Variants in PPFIA2 observed in about 807,000 individuals in gnomAD.
PPFIA2 encodes the protein liprin-alpha-2.
Under a neutral mutation model 175.5 loss-of-function variants are expected in PPFIA2, and 46 were observed. The ratio of observed to expected loss-of-function variants is 0.26; its 90% CI spans 0.21 to 0.34. PPFIA2 has a LOEUF of 0.34. Among genes scored for constraint, PPFIA2 ranks in the 10% least tolerant of loss-of-function variants. PPFIA2 has a pLI of 1.00. For synonymous variants in PPFIA2, 568 were observed against 511.4 expected, an observed-to-expected ratio of 1.11 and a Z score of -1.49; for missense variants, 1,179 against 1,506.1, an observed-to-expected ratio of 0.78 and a Z score of 3.60.
intron 3 of PPFIA2, among the ~76,000 whole-genome samples, chr12:81,680,084 T>A: frequency 6.6e-6 from 1 of 152,118 alleles, no homozygotes; most frequent in Non-Finnish European, 1.5e-5. Context: ...TCAAATAGTA[T>A]AAACATTGAC....
intron 4 of PPFIA2, among the ~76,000 whole-genome samples, chr12:81,521,091 CA>C (rs2148050121): frequency 6.6e-6 from 1 of 151,078 alleles, no homozygotes. Flanking sequence ...CATGTTTTTA[CA>C]AAAGTGAGGT....
At chr12:81,737,210 A>G (rs2081704579) in intron 3 of PPFIA2, among the ~76,000 whole-genome samples, 1 of 151,970 alleles carries the variant, frequency 6.6e-6, no homozygotes, top group Non-Finnish European at 1.5e-5. Context: ...TAGTTGTGGA[A>G]AAAGGAGAGG....
rs376431746 is a variant in PPFIA2 at position 81,405,816 on chromosome 12, T to C, written c.733A>G (p.Met245Val). 1 of 1,578,064 alleles carries C rather than the reference T, an allele frequency of 6.3e-7. No individual in the cohort carries two copies. Among genetic ancestry groups the C allele is most frequent in the Non-Finnish European group, 8.6e-7 (1 of 1,159,748 alleles). Residue 245 changes from methionine to valine, a missense_variant, in exon 8 of 33, where the codon ATG becomes GTG. Transcript: ENST00000549396. ...GSTESEHLEG[M>V]EPGQKVHEKR... ...TCATGGACTTTCTGTCCAGGTTCCA[T>C]CCCTTCAAGATGTTCTGACTCTGTG... is the stretch of plus-strand genomic sequence containing the variant.
At chr12:81,436,478 T>C (rs1044890837) in intron 7 of PPFIA2, among the ~76,000 whole-genome samples, 1 of 151,956 alleles carries the variant, frequency 6.6e-6, no homozygotes, top group African/African-American at 2.4e-5. Context: ...AAAACTATCT[T>C]CTTCAGTTAT....
chr12:81,618,338 G>A (rs115456931), intron 4 of PPFIA2, among the ~76,000 whole-genome samples: 56 of 151,834 alleles, frequency 3.7e-4, no homozygotes, highest in African/African-American at 1.4e-3. Flanking sequence ...TTCCTAGTAT[G>A]TAGGAACAGT....
At chr12:81,672,887 T>G (rs998568208) in intron 4 of PPFIA2, among the ~76,000 whole-genome samples, 14 of 152,064 alleles carry the variant, frequency 9.2e-5, no homozygotes, top group African/African-American at 2.7e-4. Flanking sequence ...GTAGTCTCTT[T>G]ATTAGATTTT....
At chr12:81,287,572 C>T (rs1223202319) in intron 24 of PPFIA2, among the ~76,000 whole-genome samples, 3 of 151,786 alleles carry the variant, frequency 2.0e-5, no homozygotes, top group South Asian at 4.1e-4. Flanking sequence ...TGTAAAAAGC[C>T]GACAGAAATA....
At chr12:81,705,836 A>G (rs2077070270) in intron 3 of PPFIA2, among the ~76,000 whole-genome samples, 1 of 152,228 alleles carries the variant, frequency 6.6e-6, no homozygotes, top group Non-Finnish European at 1.5e-5. Context: ...TAGAAACTGT[A>G]GTTTATAGGA....
intron 3 of PPFIA2, among the ~76,000 whole-genome samples, chr12:81,720,149 C>T (rs960409922): frequency 1.3e-5 from 2 of 151,372 alleles, no homozygotes; most frequent in South Asian, 2.1e-4. Context: ...AGAAGCATGG[C>T]CTACATCTGC....
intron 4 of PPFIA2, among the ~76,000 whole-genome samples, chr12:81,471,513 A>C (rs1031378081): frequency 4.0e-5 from 6 of 150,192 alleles, no homozygotes; most frequent in African/African-American, 1.5e-4. Flanking sequence ...CTATTGTTTG[A>C]ATATATCACA....
intron 3 of PPFIA2, among the ~76,000 whole-genome samples, chr12:81,692,032 GT>G (rs1364821248): frequency 6.6e-6 from 1 of 151,534 alleles, no homozygotes; most frequent in African/African-American, 2.4e-5. Flanking sequence ...TGTCTCTCCT[GT>G]GATTAGGTTA....
At chr12:81,355,381 T>G (rs186499415) in intron 16 of PPFIA2, among the ~76,000 whole-genome samples, 36 of 152,312 alleles carry the variant, frequency 2.4e-4, no homozygotes, top group African/African-American at 8.7e-4. Flanking sequence ...TAGAGTAGAT[T>G]TAGCAGAATT....
intron 22 of PPFIA2, 70 bp from the exon 23 acceptor site, chr12:81,299,452 A>G: frequency 1.3e-6 from 2 of 1,497,372 alleles, no homozygotes; most frequent in African/African-American, 1.4e-5. Context: ...TTTAATGATA[A>G]TATTTTAAAA....
At position 81,640,922 on chromosome 12, in the gene PPFIA2, T is replaced by G. The variant is rs866604116; in HGVS notation, c.303+35869A>C. ...AGACCTTAAAAAAAATTAAGTTGTT[T>G]GCATAAGCCTAGTTTTTAGGGAAGG... On this transcript the variant is annotated intron_variant, in intron 4 of 32. Coordinates refer to ENST00000549396, the MANE Select transcript of PPFIA2 (RefSeq NM_003625.5). Among the ~76,000 whole-genome samples, 7 of 152,284 alleles carry G rather than the reference T, an allele frequency of 4.6e-5. No homozygotes were observed. In the South Asian group the frequency reaches 8.3e-4, roughly 18 times the overall value.
At chr12:81,291,101 G>A (rs1238658839) in intron 24 of PPFIA2, among the ~76,000 whole-genome samples, 1 of 151,520 alleles carries the variant, frequency 6.6e-6, no homozygotes, top group Non-Finnish European at 1.5e-5. Context: ...AGAATGACAA[G>A]ATCTTCATCA....
intron 3 of PPFIA2, among the ~76,000 whole-genome samples, chr12:81,679,851 G>A (rs1438922863): frequency 1.3e-5 from 2 of 151,910 alleles, no homozygotes; most frequent in Non-Finnish European, 2.9e-5. Context: ...ATGAACATAA[G>A]TGTGCATGGA....
At chr12:81,270,953 GTA>G (rs751311197) in intron 28 of PPFIA2, 2 of 152,108 alleles carry the variant, frequency 1.3e-5, no homozygotes, top group East Asian at 3.9e-4. Context: ...CTTATTTCTA[GTA>G]TGTTTCCTGC....
intron 22 of PPFIA2, among the ~76,000 whole-genome samples, chr12:81,302,964 A>T (rs2048237373): frequency 6.6e-6 from 1 of 152,202 alleles, no homozygotes; most frequent in Admixed American, 6.5e-5. Context: ...ACATAAGGGC[A>T]TGCTTATTCT....
chr12:81,654,296 G>A (rs117736851), intron 4 of PPFIA2, among the ~76,000 whole-genome samples: 1,690 of 151,966 alleles, frequency 0.011, 11 homozygotes, highest in Non-Finnish European at 0.019. Flanking sequence ...TAGGCTGAGA[G>A]ATAGTAAGTC....
Sources: allele counts gnomAD v4.1 joint callset (sites outside exome capture counted in the v4.1 genomes callset), GRCh38; gene constraint gnomAD v4.1.1; transcripts MANE v1.5; gene names NCBI Gene and HGNC (gene_info 2026-07-23, HGNC 2026-07-21).